The following RPLP2 variants were observed in gnomAD, a reference collection of about 807,000 sequenced individuals.
RPLP2 encodes the protein ribosomal protein lateral stalk subunit P2.
RPLP2 carries 1 observed loss-of-function variant against 11.5 expected under a neutral mutation model. The observed-to-expected ratio is 0.09, with a 90% CI of 0.03 to 0.41. The LOEUF is 0.41. RPLP2 is among the 10% of genes least tolerant of loss of function. The pLI, the probability that RPLP2 is intolerant of heterozygous loss-of-function variation, is 0.98. For missense variants in RPLP2, 177 were observed against 145.6 expected (o/e 1.22, Z -1.11); for synonymous variants, 82 against 55.9 (o/e 1.47, Z -2.08).
At chr11:811,500 C>T in intron 2 of RPLP2, 97 bp from the exon 3 acceptor site, 1 of 1,483,040 alleles carries the variant, frequency 6.7e-7, no homozygotes, top group Non-Finnish European at 9.4e-7. Flanking sequence ...GGCCTATTCC[C>T]ATGTGGGGAA....
At chr11:812,705 G>A (rs916511177) in intron 4 of RPLP2, 55 bp from the exon 5 acceptor site, 138 of 1,613,000 alleles carry the variant, frequency 8.6e-5, no homozygotes, top group Non-Finnish European at 1.1e-4. Flanking sequence ...GTCTTCATGG[G>A]GGGACTGGCC....
At chr11:810,533 C>G (rs918193740) in intron 2 of RPLP2, 176 bp downstream of exon 2, 5 of 548,630 alleles carry the variant, frequency 9.1e-6, no homozygotes, top group African/African-American at 5.9e-5. Context: ...GTGGCTCACG[C>G]CTGTAGTCCC....
intron 3 of RPLP2, 54 bp from the exon 4 acceptor site, chr11:812,481 A>T: frequency 6.3e-7 from 1 of 1,597,400 alleles, no homozygotes; most frequent in South Asian, 1.1e-5. Flanking sequence ...TTCCCTGTGG[A>T]ACAGCCTCCC....
chr11:810,002 T>G lies in RPLP2; in HGVS notation c.-39T>G. ...CCTGTCGCCACCGAGGTCGCACGCG[T>G]GAGACTTCTCCGCCGCCTCCGCCGC... On this transcript the variant is annotated 5_prime_UTR_variant, in exon 1 of 5. Transcript: ENST00000321153. 4.6e-6 allele frequency: 2 copies of G among 439,446 alleles called. No individual in the cohort carries two copies. The highest frequency in any genetic ancestry group is 7.6e-6 in the Non-Finnish European group (2 of 262,218). The allele number at this position is 439,446 out of a possible 1,614,324, so 27.2% of individuals were successfully genotyped here.
rs552937310 is a variant in RPLP2, at chr11:810,025, C to T, written c.-16C>T. On this transcript the variant is annotated 5_prime_UTR_variant, in exon 1 of 5. Coordinates refer to ENST00000321153, the MANE Select transcript of RPLP2 (RefSeq NM_001004.4). Reference sequence around the variant, plus strand: ...CGTGAGACTTCTCCGCCGCCTCCGCCGCAGACGCCGCCGCGTGAGTGTGGT... The same window carrying T: ...CGTGAGACTTCTCCGCCGCCTCCGCTGCAGACGCCGCCGCGTGAGTGTGGT... 3.4e-5 allele frequency: 18 copies of T among 523,106 alleles called. No homozygotes were observed. In the African/African-American group the frequency reaches 3.6e-4, roughly 10 times the overall value. The allele number at this position is 523,106 out of a possible 1,614,324, so 32.4% of individuals were successfully genotyped here. A position where few individuals can be genotyped will look rare whatever the true frequency, so the allele number is the denominator to read the frequency against.
At chr11:810,555 A>G in intron 2 of RPLP2, 198 bp downstream of exon 2, 2 of 452,772 alleles carry the variant, frequency 4.4e-6, no homozygotes, top group East Asian at 7.3e-5. Context: ...GTACTTTGGG[A>G]GGACGAGGCA....
intron 2 of RPLP2, chr11:811,355 C>T (rs1337868849): frequency 3.5e-6 from 2 of 573,850 alleles, no homozygotes; most frequent in Non-Finnish European, 6.2e-6. Context: ...TATGAGTAGT[C>T]AACATAAGTA....
At chr11:810,381 G>A in intron 2 of RPLP2, 24 bp downstream of exon 2, 1 of 1,598,990 alleles carries the variant, frequency 6.3e-7, no homozygotes, top group Non-Finnish European at 8.5e-7. Flanking sequence ...TTGCCCCGCA[G>A]CCGCCGTGGG....
At chr11:811,888 T>G (rs1866079344) in intron 3 of RPLP2, 1 of 739,576 alleles carries the variant, frequency 1.4e-6, no homozygotes, top group Non-Finnish European at 2.5e-6. Context: ...TAAGCCTGAC[T>G]GCTCCTAGCC....
chr11:812,546 C>G lies in RPLP2; in HGVS notation c.184C>G (p.Leu62Val). 6.2e-7 allele frequency: 1 copy of G among 1,609,522 alleles called. No homozygotes were observed. Residue 62 changes from leucine to valine, a missense_variant, in exon 4 of 5, where the codon CTT becomes GTT. By Grantham distance (32) the Leu-to-Val change is conservative (BLOSUM62 1). Coordinates refer to ENST00000321153, the MANE Select transcript of RPLP2 (RefSeq NM_001004.4). ...EDVIAQGIGKLASVPAGGAVA... is the reference protein window; with the variant it reads ...EDVIAQGIGKVASVPAGGAVA... ...TCTGCTTTCTGTAGGTATTGGCAAG[C>G]TTGCCAGTGTACCTGCTGGTGGGGC...
At chr11:811,326 T>C (rs534014594) in intron 2 of RPLP2, 1 of 515,938 alleles carries the variant, frequency 1.9e-6, no homozygotes, top group African/African-American at 1.9e-5. Flanking sequence ...CAGTTTATTT[T>C]GCCAGTGTTG....
At chr11:811,765 G>T (rs756798310) in intron 3 of RPLP2, 120 bp downstream of exon 3, 1 of 1,267,158 alleles carries the variant, frequency 7.9e-7, no homozygotes, top group South Asian at 1.2e-5. Context: ...CTCACCCGAG[G>T]AGTGAGCAGG....
chr11:811,108 T>C (rs1866035112), intron 2 of RPLP2, among the ~76,000 whole-genome samples: 1 of 151,330 alleles, frequency 6.6e-6, no homozygotes, highest in East Asian at 1.9e-4. Flanking sequence ...GCCTTAGAGG[T>C]CAAGGCTGCA....
chr11:810,749 G>C (rs182731677), intron 2 of RPLP2, among the ~76,000 whole-genome samples: 1 of 149,318 alleles, frequency 6.7e-6, no homozygotes, highest in Non-Finnish European at 1.5e-5. Context: ...TCGTGCCACT[G>C]TACTCCAGTC....
Position 812,776 on chromosome 11 carries a change from TGAGAA to T in RPLP2, c.291_295del (p.Lys98GlyfsTer4). On this transcript the variant is annotated frameshift_variant, in exon 5 of 5. Coordinates refer to ENST00000321153, the MANE Select transcript of RPLP2 (RefSeq NM_001004.4). LOFTEE classifies it high-confidence loss of function. Reference sequence around the variant, plus strand: ...GTTCCACAGCAGAGGAGAAGAAAGATGAGAAGAAGGAGGAGTCTGAAGAGTCAGAT... The same window carrying T: ...GTTCCACAGCAGAGGAGAAGAAAGATGAAGGAGGAGTCTGAAGAGTCAGAT... The T allele has an allele frequency of 6.2e-7, 1 of 1,613,750 alleles. No homozygotes were observed.
At chr11:810,138 G>T (rs910581196) in intron 1 of RPLP2, 96 bp from the exon 2 acceptor site, 1 of 1,358,720 alleles carries the variant, frequency 7.4e-7, no homozygotes, top group South Asian at 1.7e-5. Flanking sequence ...AGGCCTACGG[G>T]CCGAGCCACG....
chr11:811,908 T>G, intron 3 of RPLP2: 1 of 692,022 alleles, frequency 1.4e-6, no homozygotes, highest in East Asian at 2.7e-5. Flanking sequence ...CCTGAGGCCA[T>G]TCCCCAGGAT....
intron 3 of RPLP2, 40 bp downstream of exon 3, chr11:811,685 C>T: frequency 6.2e-7 from 1 of 1,613,046 alleles, no homozygotes; most frequent in East Asian, 2.2e-5. Context: ...TTTTCATGGT[C>T]CATCCTAATC....
At chr11:811,971 A>G in intron 3 of RPLP2, 1 of 529,802 alleles carries the variant, frequency 1.9e-6, no homozygotes, top group Non-Finnish European at 3.5e-6. Flanking sequence ...AGTCCTTACC[A>G]CATGCTTTCT....
Sources: gnomAD v4.1 joint callset for allele counts (sites outside exome capture counted in the v4.1 genomes callset) on GRCh38, gnomAD v4.1.1 for gene constraint, MANE v1.5 for transcripts, NCBI Gene and HGNC (gene_info 2026-07-23, HGNC 2026-07-21) for gene names.